The following OXSR1 variants were observed in gnomAD, a reference collection of about 807,000 sequenced individuals.
OXSR1 encodes the protein oxidative stress responsive kinase 1.
OXSR1 carries 24 observed loss-of-function variants against 79.8 expected under a neutral mutation model. The ratio of observed to expected loss-of-function variants is 0.30; its 90% CI spans 0.22 to 0.42. The LOEUF is 0.42. Ranked by LOEUF, OXSR1 falls within the 10% of genes least tolerant of loss-of-function variation. The probability of loss-of-function intolerance (pLI) is 1.00; values close to 1 mark genes in which losing one functional copy is unlikely to be tolerated. For missense variants in OXSR1, 430 were observed against 618.4 expected (o/e 0.70, Z 3.23); for synonymous variants, 226 against 209.2 (o/e 1.08, Z -0.69).
intron 1 of OXSR1, among the ~76,000 whole-genome samples, chr3:38,176,975 A>G (rs956913163): frequency 6.6e-6 from 1 of 152,228 alleles, no homozygotes; most frequent in Non-Finnish European, 1.5e-5. Flanking sequence ...AAGATAAATC[A>G]ATCAGTGTTA....
intron 4 of OXSR1, among the ~76,000 whole-genome samples, chr3:38,202,569 C>T (rs1004807394): frequency 6.6e-6 from 1 of 151,190 alleles, no homozygotes; most frequent in African/African-American, 2.4e-5. Flanking sequence ...ACCTAGGTGC[C>T]GAGGCAAGAG....
rs369274667 is a variant in OXSR1, at chr3:38,246,105, T to C, written c.1141T>C (p.Leu381=). Residue 381 remains leucine (L), a synonymous_variant, in exon 13 of 18, where the codon TTG becomes CTG. Transcript: ENST00000311806. ...LFPTTDPVGT[L]LQVPEQISAH... ...TCCAACAACTGATCCTGTGGGTACT[T>C]TGCTCCAAGTTCCAGAACAGATCTC... 1.4e-5 allele frequency: 23 copies of C among 1,613,676 alleles called. No homozygotes were observed. In the African/African-American group the frequency reaches 2.7e-4, roughly 19 times the overall value.
chr3:38,242,680 T>C (rs1328330507), intron 11 of OXSR1, 63 bp from the exon 12 acceptor site: 2 of 900,064 alleles, frequency 2.2e-6, no homozygotes, highest in East Asian at 2.8e-5. Flanking sequence ...ACTTGCAGTT[T>C]GGGACTGACT....
chr3:38,243,473 T>C (rs1463304484), intron 12 of OXSR1, among the ~76,000 whole-genome samples: 1 of 152,194 alleles, frequency 6.6e-6, no homozygotes, highest in African/African-American at 2.4e-5. Context: ...TGATAGGAAA[T>C]CTTGTTAAAC....
Position 38,226,852 on chromosome 3 carries a change from A to G in OXSR1, c.836+2148A>G, listed in dbSNP as rs1702699596. On this transcript the variant is annotated intron_variant, in intron 8 of 17. Coordinates refer to ENST00000311806, the MANE Select transcript of OXSR1 (RefSeq NM_005109.3). The stretch of plus-strand genomic sequence containing the variant: ...CTATACTAGATCCTGGGACAGAAAA[A>G]GGACATTAGTGGAAAAACTGGAGAA... Among the ~76,000 whole-genome samples the G allele has an allele frequency of 2.0e-5, 3 of 151,712 alleles. No homozygotes were observed. The South Asian group carries it at 6.2e-4, about 32-fold the overall frequency.
intron 4 of OXSR1, among the ~76,000 whole-genome samples, chr3:38,202,469 T>A (rs1702182491): frequency 2.6e-5 from 4 of 152,116 alleles, no homozygotes; most frequent in Admixed American, 2.0e-4. Flanking sequence ...CAGCTCAAAC[T>A]CCTGAGCTCA....
At chr3:38,252,008 C>T (rs906109262) in intron 16 of OXSR1, among the ~76,000 whole-genome samples, 1 of 152,236 alleles carries the variant, frequency 6.6e-6, no homozygotes. Context: ...AGAACAAAAA[C>T]AGACCACAGG....
intron 10 of OXSR1, among the ~76,000 whole-genome samples, chr3:38,233,866 C>T (rs1357813086): frequency 1.3e-5 from 2 of 151,836 alleles, no homozygotes; most frequent in South Asian, 2.1e-4. Context: ...GAGCTGTGTT[C>T]GTGCCACTGC....
intron 10 of OXSR1, among the ~76,000 whole-genome samples, chr3:38,235,305 A>G (rs1265917156): frequency 6.6e-6 from 1 of 152,170 alleles, no homozygotes; most frequent in Non-Finnish European, 1.5e-5. Flanking sequence ...GGAAATTGAA[A>G]ACAGAAGAAA....
chr3:38,182,496 T>A (rs1317575109), intron 1 of OXSR1, among the ~76,000 whole-genome samples: 1 of 152,236 alleles, frequency 6.6e-6, no homozygotes, highest in East Asian at 1.9e-4. Context: ...ATTTATTTAT[T>A]TGTCTTTATC....
intron 10 of OXSR1, among the ~76,000 whole-genome samples, chr3:38,231,449 C>T (rs1702805280): frequency 6.6e-6 from 1 of 152,112 alleles, no homozygotes; most frequent in East Asian, 1.9e-4. Context: ...GTTAAAAACT[C>T]ACTTGGCTCA....
chr3:38,201,496 G>T (rs1327134651), intron 4 of OXSR1, among the ~76,000 whole-genome samples: 1 of 152,012 alleles, frequency 6.6e-6, no homozygotes, highest in Non-Finnish European at 1.5e-5. Context: ...GGATCATGAG[G>T]TCAGAAGATT....
intron 1 of OXSR1, among the ~76,000 whole-genome samples, chr3:38,174,913 A>T (rs1186303862): frequency 1.3e-5 from 2 of 152,222 alleles, no homozygotes; most frequent in East Asian, 3.9e-4. Context: ...ACTTACTTGA[A>T]GCATATGGCA....
At chr3:38,206,526 C>T (rs1702266520) in intron 4 of OXSR1, among the ~76,000 whole-genome samples, 1 of 150,356 alleles carries the variant, frequency 6.7e-6, no homozygotes, top group Non-Finnish European at 1.5e-5. Flanking sequence ...AGACAATGAC[C>T]CTAAATGTAT....
At chr3:38,239,764 T>G (rs1702991020) in intron 11 of OXSR1, among the ~76,000 whole-genome samples, 1 of 152,184 alleles carries the variant, frequency 6.6e-6, no homozygotes. Context: ...TTGTACTGTT[T>G]TATCAGCTTA....
intron 4 of OXSR1, among the ~76,000 whole-genome samples, chr3:38,206,597 G>T (rs1198949906): frequency 2.0e-5 from 3 of 151,854 alleles, no homozygotes; most frequent in Admixed American, 1.3e-4. Flanking sequence ...GATATGTAAA[G>T]GTTTAGGAAA....
At chr3:38,241,534 G>GTACA (rs1451883484) in intron 11 of OXSR1, among the ~76,000 whole-genome samples, 1 of 151,862 alleles carries the variant, frequency 6.6e-6, no homozygotes, top group Non-Finnish European at 1.5e-5. Context: ...CTTAGGAAAT[G>GTACA]TACACTCTGA....
At chr3:38,236,048 G>A (rs1702911917) in intron 10 of OXSR1, among the ~76,000 whole-genome samples, 1 of 152,156 alleles carries the variant, frequency 6.6e-6, no homozygotes, top group Non-Finnish European at 1.5e-5. Flanking sequence ...TTTGAATGTG[G>A]TAAAAGGAGT....
intron 4 of OXSR1, among the ~76,000 whole-genome samples, chr3:38,204,874 A>C (rs778267565): frequency 2.0e-5 from 3 of 151,882 alleles, no homozygotes; most frequent in Non-Finnish European, 4.4e-5. Context: ...AGTCCAGTAC[A>C]GCACCAGAAC....
Sources: gnomAD v4.1 joint callset for allele counts (sites outside exome capture counted in the v4.1 genomes callset) on GRCh38, gnomAD v4.1.1 for gene constraint, MANE v1.5 for transcripts, NCBI Gene and HGNC (gene_info 2026-07-23, HGNC 2026-07-21) for gene names.